The following LRCH3 variants were observed in gnomAD, a reference collection of about 807,000 sequenced individuals.
The protein encoded by LRCH3 is DISP complex protein LRCH3.
Under a neutral mutation model 104.5 loss-of-function variants are expected in LRCH3, and 68 were observed. The observed-to-expected ratio is 0.65, with a 90% CI of 0.54 to 0.80. The LOEUF (loss-of-function observed/expected upper bound fraction) is 0.80, where lower values mean the gene tolerates loss of function less well. LRCH3 is among the 30% of genes least tolerant of loss of function. The probability of loss-of-function intolerance (pLI) is 0.00; values close to 1 mark genes in which losing one functional copy is unlikely to be tolerated. For missense variants in LRCH3, 951 were observed against 953.9 expected, an observed-to-expected ratio of 1.00 and a Z score of 0.04; for synonymous variants, 344 against 361.3, an observed-to-expected ratio of 0.95 and a Z score of 0.54.
Position 197,886,741 on chromosome 3 carries a change from G to T in LRCH3, c.*3075G>T, listed in dbSNP as rs1401724637. ...AATCGCTTCAACCTGGAAGCCGAAG[G>T]TTGCAGTGGGCTGAGATTGTGCCAC... is the stretch of plus-strand genomic sequence containing the variant. On this transcript the variant is annotated 3_prime_UTR_variant, in exon 21 of 21. Transcript: ENST00000425562. 1 of 147,836 alleles carries T rather than the reference G, an allele frequency of 6.8e-6. No homozygotes were observed. The highest frequency in any genetic ancestry group is 2.5e-5 in the African/African-American group (1 of 39,820). The allele number at this position is 147,836 out of a possible 1,614,324, so 9.2% of individuals were successfully genotyped here. A position where few individuals can be genotyped will look rare whatever the true frequency, so the allele number is the denominator to read the frequency against.
intron 9 of LRCH3, 131 bp from the exon 10 acceptor site, chr3:197,839,190 A>G: frequency 1.7e-6 from 1 of 604,882 alleles, no homozygotes; most frequent in Non-Finnish European, 2.8e-6. Context: ...CTTAAAGTTT[A>G]CATTTGAAGA....
chr3:197,827,569 A>T (rs541247770), intron 5 of LRCH3, among the ~76,000 whole-genome samples: 1 of 152,360 alleles, frequency 6.6e-6, no homozygotes, highest in Non-Finnish European at 1.5e-5. Context: ...ATTCACATAC[A>T]TATGTATTTT....
At chr3:197,850,329 C>T in intron 12 of LRCH3, 2 of 738,498 alleles carry the variant, frequency 2.7e-6, no homozygotes, top group South Asian at 1.7e-5. Context: ...ATTCTCCCAA[C>T]TCTCTTTAGG....
chr3:197,835,542 A>T, intron 8 of LRCH3, 132 bp from the exon 9 acceptor site: 9 of 1,114,404 alleles, frequency 8.1e-6, no homozygotes, highest in African/African-American at 3.4e-5. Context: ...TAAAGTTTTT[A>T]TCATCCCTCC....
intron 20 of LRCH3, chr3:197,881,510 T>A (rs3749257): frequency 0.14 from 140,673 of 984,996 alleles, 12,230 homozygotes; most frequent in African/African-American, 0.39. Context: ...TCTGTTTAAA[T>A]TTGGAATTTA....
At chr3:197,796,760 A>G (rs1731250621) in intron 1 of LRCH3, among the ~76,000 whole-genome samples, 1 of 152,234 alleles carries the variant, frequency 6.6e-6, no homozygotes, top group Admixed American at 6.5e-5. Flanking sequence ...TGACAAAACT[A>G]GGATTCAATT....
chr3:197,851,958 C>T (rs115887414), intron 12 of LRCH3, among the ~76,000 whole-genome samples: 2,010 of 152,274 alleles, frequency 0.013, 41 homozygotes, highest in African/African-American at 0.043. Context: ...GGAGACCTTG[C>T]ACGTGCCGCA....
intron 15 of LRCH3, among the ~76,000 whole-genome samples, chr3:197,863,062 G>A (rs975355172): frequency 9.2e-5 from 14 of 152,060 alleles, no homozygotes; most frequent in Non-Finnish European, 1.3e-4. Context: ...TGTAAGTAGC[G>A]ATGTAAGAGT....
At chr3:197,844,780 G>A (rs373869920) in intron 10 of LRCH3, among the ~76,000 whole-genome samples, 2 of 152,028 alleles carry the variant, frequency 1.3e-5, no homozygotes, top group South Asian at 4.2e-4. Flanking sequence ...ACCACACCTG[G>A]CCAGTTTTTC....
chr3:197,824,109 G>T (rs1446966098), intron 4 of LRCH3, among the ~76,000 whole-genome samples: 2 of 151,424 alleles, frequency 1.3e-5, no homozygotes, highest in African/African-American at 4.9e-5. Flanking sequence ...CTGTCGCCCA[G>T]GCTGGAGTGC....
intron 17 of LRCH3, among the ~76,000 whole-genome samples, chr3:197,867,000 C>T (rs1741561744): frequency 1.3e-5 from 2 of 152,106 alleles, no homozygotes; most frequent in Admixed American, 6.6e-5. Context: ...AATGGCTGGG[C>T]ACGGTGGCTC....
chr3:197,818,399 T>G (rs1365445700), intron 3 of LRCH3, among the ~76,000 whole-genome samples: 1 of 152,194 alleles, frequency 6.6e-6, no homozygotes, highest in African/African-American at 2.4e-5. Flanking sequence ...CCATTAGGAT[T>G]TAGGGGTATG....
chr3:197,873,849 C>CAT (rs1427298593), intron 19 of LRCH3, among the ~76,000 whole-genome samples: 2 of 151,906 alleles, frequency 1.3e-5, no homozygotes, highest in African/African-American at 4.8e-5. Context: ...GATGAAACCC[C>CAT]ATCTCTACTA....
At chr3:197,872,315 C>G (rs77363934) in intron 19 of LRCH3, among the ~76,000 whole-genome samples, 3,448 of 147,734 alleles carry the variant, frequency 0.023, 124 homozygotes, top group African/African-American at 0.08. Flanking sequence ...CGTGATTGTG[C>G]CAGTGCACTC....
At chr3:197,872,953 A>C (rs1001856711) in intron 19 of LRCH3, among the ~76,000 whole-genome samples, 7 of 152,310 alleles carry the variant, frequency 4.6e-5, no homozygotes, top group African/African-American at 1.7e-4. Flanking sequence ...TAAAGCCTGG[A>C]CTAACTGGGC....
At chr3:197,792,221 C>T (rs980889866) in intron 1 of LRCH3, among the ~76,000 whole-genome samples, 1 of 151,796 alleles carries the variant, frequency 6.6e-6, no homozygotes, top group Non-Finnish European at 1.5e-5. Context: ...ATAACTAGAG[C>T]CCACTTTCCG....
intron 1 of LRCH3, among the ~76,000 whole-genome samples, chr3:197,795,683 G>GTTTTTTTTTTTTTTTTTTTTTTTTT (rs1378193831): frequency 1.1e-5 from 1 of 92,280 alleles, no homozygotes; most frequent in African/African-American, 4.5e-5. Flanking sequence ...TAAAAAAGTT[G>GTTTTTTTTTTTTTTTTTTTTTTTTT]TTGTTTTTTT....
At chr3:197,851,225 C>T (rs116007949) in intron 12 of LRCH3, among the ~76,000 whole-genome samples, 126 of 152,130 alleles carry the variant, frequency 8.3e-4, no homozygotes, top group Middle Eastern at 3.4e-3. Flanking sequence ...GTTTGCCTTC[C>T]GTAGAAGTCA....
chr3:197,858,708 A>G (rs1740553254), intron 14 of LRCH3, 126 bp from the exon 15 acceptor site: 1 of 797,400 alleles, frequency 1.3e-6, no homozygotes, highest in Non-Finnish European at 2.2e-6. Flanking sequence ...TCAGTAGCTT[A>G]GTAAACCATT....
Sources: allele counts gnomAD v4.1 joint callset (sites outside exome capture counted in the v4.1 genomes callset), GRCh38; gene constraint gnomAD v4.1.1; transcripts MANE v1.5; gene names NCBI Gene and HGNC (gene_info 2026-07-23, HGNC 2026-07-21).